TANGO6: variants seen among roughly 807,000 people sequenced by gnomAD.
TANGO6 encodes transport and golgi organization 6 homolog, also known as transport and Golgi organization protein 6 homolog.
In TANGO6, 90 loss-of-function variants were observed where a neutral mutation model predicts 114.2. The observed-to-expected ratio is 0.79, with a 90% CI of 0.66 to 0.94. The LOEUF (loss-of-function observed/expected upper bound fraction) is 0.94, where lower values mean the gene tolerates loss of function less well. Among genes scored for constraint, TANGO6 ranks in the 40% least tolerant of loss-of-function variants. The pLI, the probability that TANGO6 is intolerant of heterozygous loss-of-function variation, is 0.00. For missense variants in TANGO6, 1,274 were observed against 1,315.3 expected, an observed-to-expected ratio of 0.97 and a Z score of 0.49; for synonymous variants, 477 against 509.8, an observed-to-expected ratio of 0.94 and a Z score of 0.87.
At chr16:68,897,749 T>G (rs1390670892) in intron 7 of TANGO6, among the ~76,000 whole-genome samples, 1 of 152,038 alleles carries the variant, frequency 6.6e-6, no homozygotes, top group Non-Finnish European at 1.5e-5. Context: ...CTGCTAACTT[T>G]GTATTTTTAG....
chr16:69,028,869 A>AAAAAAG (rs1555528706), intron 16 of TANGO6, among the ~76,000 whole-genome samples: 4 of 150,710 alleles, frequency 2.7e-5, no homozygotes, highest in African/African-American at 9.8e-5. Context: ...AAAAAAAAAA[A>AAAAAAG]AAAAAGAAAA....
intron 17 of TANGO6, among the ~76,000 whole-genome samples, chr16:69,066,881 C>T (rs1198541042): frequency 6.6e-6 from 1 of 151,978 alleles, no homozygotes; most frequent in Non-Finnish European, 1.5e-5. Flanking sequence ...ATCAAGACCC[C>T]GTCTCTACAA....
chr16:68,970,082 G>T (rs559155213), intron 14 of TANGO6, among the ~76,000 whole-genome samples: 1 of 152,154 alleles, frequency 6.6e-6, no homozygotes, highest in Non-Finnish European at 1.5e-5. Flanking sequence ...TGGTGGTGGG[G>T]ATGGAATGGA....
At chr16:68,918,748 C>T (rs751527415) in intron 11 of TANGO6, among the ~76,000 whole-genome samples, 2 of 152,146 alleles carry the variant, frequency 1.3e-5, no homozygotes, top group Non-Finnish European at 2.9e-5. Context: ...TGAGATTGTA[C>T]ATGTGAAACA....
chr16:68,889,785 A>C (rs1330761806), intron 7 of TANGO6, among the ~76,000 whole-genome samples: 1 of 152,212 alleles, frequency 6.6e-6, no homozygotes, highest in Non-Finnish European at 1.5e-5. Flanking sequence ...TAGGTAACTT[A>C]TTTAACACTT....
intron 14 of TANGO6, among the ~76,000 whole-genome samples, chr16:68,954,113 G>A (rs1306450983): frequency 6.6e-6 from 1 of 151,984 alleles, no homozygotes; most frequent in Admixed American, 6.6e-5. Flanking sequence ...AGCTGGGTGT[G>A]GTGGTGTGTG....
intron 12 of TANGO6, 120 bp downstream of exon 12, chr16:68,919,339 T>A: frequency 1.5e-6 from 2 of 1,293,170 alleles, no homozygotes; most frequent in Non-Finnish European, 2.1e-6. Context: ...AGAACCTAGA[T>A]AAAGAAGTTA....
intron 14 of TANGO6, among the ~76,000 whole-genome samples, chr16:68,963,474 C>T (rs1181786078): frequency 1.3e-5 from 2 of 152,178 alleles, no homozygotes; most frequent in Admixed American, 6.5e-5. Flanking sequence ...TCTTCATACC[C>T]CTCCTTTTTA....
chr16:68,910,664 G>A (rs1303441504), intron 11 of TANGO6, among the ~76,000 whole-genome samples: 1 of 152,094 alleles, frequency 6.6e-6, no homozygotes, highest in Admixed American at 6.6e-5. Flanking sequence ...TGATAATATT[G>A]GTATATTGTT....
intron 17 of TANGO6, among the ~76,000 whole-genome samples, chr16:69,052,569 A>C (rs1186129128): frequency 6.6e-6 from 1 of 151,940 alleles, no homozygotes; most frequent in Admixed American, 6.6e-5. Flanking sequence ...CCCAACCTTG[A>C]TTCTTCAGTT....
At chr16:68,920,285 C>G (rs1024351008) in intron 12 of TANGO6, among the ~76,000 whole-genome samples, 4 of 152,136 alleles carry the variant, frequency 2.6e-5, no homozygotes, top group Non-Finnish European at 5.9e-5. Flanking sequence ...GGGAAGATTT[C>G]CACTGAGGAA....
At chr16:68,958,183 A>C (rs1200770109) in intron 14 of TANGO6, among the ~76,000 whole-genome samples, 1 of 151,294 alleles carries the variant, frequency 6.6e-6, no homozygotes, top group African/African-American at 2.4e-5. Flanking sequence ...AAAAAAAAAA[A>C]CAAATTAAAT....
intron 11 of TANGO6, among the ~76,000 whole-genome samples, chr16:68,911,421 T>A (rs531777148): frequency 1.0e-4 from 15 of 149,200 alleles, no homozygotes; most frequent in African/African-American, 3.0e-4. Flanking sequence ...GTTTCTTTTT[T>A]TTTTTTTTTT....
chr16:68,860,716 A>G (rs1017995932), intron 2 of TANGO6, among the ~76,000 whole-genome samples, 192 bp downstream of exon 2: 5 of 152,160 alleles, frequency 3.3e-5, no homozygotes, highest in African/African-American at 1.2e-4. Flanking sequence ...TCCTTTGCAC[A>G]CCTGTAGAGT....
chr16:68,860,397 T>G lies in TANGO6; in HGVS notation c.608T>G (p.Leu203Arg). 1.2e-6 allele frequency: 2 copies of G among 1,614,030 alleles called. No individual in the cohort carries two copies. The highest frequency in any genetic ancestry group is 1.7e-6 in the Non-Finnish European group (2 of 1,179,906). Residue 203 changes from leucine to arginine, a missense_variant, in exon 2 of 18, where the codon CTG (leucine) becomes CGG (arginine). Around this residue, in one of 5 missense-constraint regions of TANGO6, gnomAD observed 908 missense variants for 910.2 expected, o/e 1.00. Coordinates refer to ENST00000261778, the MANE Select transcript of TANGO6 (RefSeq NM_024562.2). ...RRLYTSCKAL[L>R]NVAQHTSLGS... ...CTGTACACCAGCTGCAAGGCCCTTC[T>G]GAATGTTGCTCAGCACACATCTCTG...
chr16:68,929,217 C>G (rs890507809), intron 13 of TANGO6, among the ~76,000 whole-genome samples: 1 of 152,146 alleles, frequency 6.6e-6, no homozygotes, highest in Non-Finnish European at 1.5e-5. Context: ...CCGCGCCTGG[C>G]CTTAAATATC....
At chr16:68,978,540 G>A (rs1963787632) in intron 15 of TANGO6, among the ~76,000 whole-genome samples, 1 of 152,184 alleles carries the variant, frequency 6.6e-6, no homozygotes, top group Non-Finnish European at 1.5e-5. Flanking sequence ...ATGAAGTGGT[G>A]TGTTGAAATC....
chr16:68,907,292 G>A (rs1962865343), intron 9 of TANGO6, 151 bp from the exon 10 acceptor site: 1 of 962,756 alleles, frequency 1.0e-6, no homozygotes. Context: ...TCAGAATGGA[G>A]AAACAATAAA....
chr16:68,998,696 G>A (rs183690097), intron 15 of TANGO6, among the ~76,000 whole-genome samples: 2,127 of 148,038 alleles, frequency 0.014, 45 homozygotes, highest in African/African-American at 0.05. Flanking sequence ...GCGCCACTGC[G>A]CTCCAGCCTG....
Sources: gnomAD v4.1 joint callset for allele counts (sites outside exome capture counted in the v4.1 genomes callset) on GRCh38, gnomAD v4.1.1 for gene constraint, gnomAD v4.1.1 regional missense constraint, MANE v1.5 for transcripts, NCBI Gene and HGNC (gene_info 2026-07-23, HGNC 2026-07-21) for gene names.